Variants in MAGI2 observed in about 807,000 individuals in gnomAD.
MAGI2 encodes the protein membrane-associated guanylate kinase, WW and PDZ domain-containing protein 2.
A neutral mutation model predicts 133.3 loss-of-function variants in MAGI2; 35 were observed. That is an observed-to-expected ratio of 0.26 (90% CI 0.20 to 0.35). The LOEUF (loss-of-function observed/expected upper bound fraction) is 0.35. Ranked by LOEUF, MAGI2 falls within the 10% of genes least tolerant of loss-of-function variation. The pLI, the probability that MAGI2 is intolerant of heterozygous loss-of-function variation, is 1.00. For synonymous variants in MAGI2, 729 were observed against 710.6 expected (o/e 1.03, Z -0.41); for missense variants, 1,636 against 1,863.4 (o/e 0.88, Z 2.25).
chr7:78,652,140 G>C (rs543748765), intron 2 of MAGI2, among the ~76,000 whole-genome samples: 26 of 152,122 alleles, frequency 1.7e-4, no homozygotes, highest in Non-Finnish European at 2.9e-5. Flanking sequence ...AACGGGGAGA[G>C]AAATAGGCAA....
intron 1 of MAGI2, chr7:79,009,159 T>C (rs1807786998): frequency 6.6e-6 from 1 of 152,152 alleles, no homozygotes; most frequent in Non-Finnish European, 1.5e-5. Flanking sequence ...GTAATGTGGA[T>C]AAATTCACAT....
chr7:78,938,517 T>A (rs772528578), intron 2 of MAGI2, among the ~76,000 whole-genome samples: 4 of 152,074 alleles, frequency 2.6e-5, no homozygotes, highest in Non-Finnish European at 4.4e-5. Flanking sequence ...ACCAGAAAGG[T>A]TATAAGCACA....
intron 3 of MAGI2, among the ~76,000 whole-genome samples, chr7:78,592,590 A>G (rs1478222345): frequency 2.0e-5 from 3 of 152,242 alleles, no homozygotes; most frequent in African/African-American, 7.2e-5. Context: ...GAGTGACGGT[A>G]GAAAAAATCA....
At position 78,019,817 on chromosome 7, in the gene MAGI2, T is replaced by G. The variant is rs778807242; in HGVS notation, c.3866A>C (p.Lys1289Thr). Reference protein sequence around the residue: ...QISPGPTWDIKREHDVRKPKE... With the variant: ...QISPGPTWDITREHDVRKPKE... Reference sequence around the variant, plus strand: ...TGGTTTCCTAACGTCGTGTTCCCGTTTGATATCCCAAGTTGGGCCTGGGCT... The same window carrying G: ...TGGTTTCCTAACGTCGTGTTCCCGTGTGATATCCCAAGTTGGGCCTGGGCT... The change falls in exon 22 of 22, where the codon AAA (lysine) becomes ACA (threonine). Residue 1289 changes from lysine (K) to threonine (T), a missense_variant. Transcript: ENST00000354212. The G allele has an allele frequency of 4.0e-5, 64 of 1,613,404 alleles. No individual in the cohort carries two copies. Among genetic ancestry groups the G allele is most frequent in the Non-Finnish European group, 5.3e-5 (63 of 1,179,928 alleles).
intron 15 of MAGI2, among the ~76,000 whole-genome samples, chr7:78,166,819 T>C (rs548385473): frequency 1.8e-4 from 28 of 152,132 alleles, no homozygotes; most frequent in African/African-American, 6.0e-4. Flanking sequence ...TCTAATTCTC[T>C]AGGGGAGAGG....
At chr7:78,570,946 A>G (rs1042203452) in intron 3 of MAGI2, among the ~76,000 whole-genome samples, 1 of 152,098 alleles carries the variant, frequency 6.6e-6, no homozygotes, top group African/African-American at 2.4e-5. Context: ...CTTCTTTTTA[A>G]GTGAGTATTC....
rs867581822 is a variant in MAGI2, at chr7:78,307,154, T to C, written c.1408+36624A>G. ...CATAAATTCGTCTTTGTCAGTTCTA[T>C]AATTTTAGACGACTTCATGCCCAAA... On this transcript the variant is annotated intron_variant, in intron 9 of 21. Transcript: ENST00000354212. Among the ~76,000 whole-genome samples, 14 of 152,338 alleles carry C rather than the reference T, an allele frequency of 9.2e-5. No individual in the cohort carries two copies. In the South Asian group the frequency reaches 2.5e-3, roughly 27 times the overall value.
At chr7:78,593,584 A>C (rs968312062) in intron 3 of MAGI2, among the ~76,000 whole-genome samples, 1 of 152,156 alleles carries the variant, frequency 6.6e-6, no homozygotes, top group Non-Finnish European at 1.5e-5. Context: ...CCAAGAAGGA[A>C]GCATCCACAC....
rs1476783440 is a variant in MAGI2, at chr7:78,822,781, T to C, written c.418+184309A>G. Among the ~76,000 whole-genome samples, 3 of 152,298 alleles carry C rather than the reference T, an allele frequency of 2.0e-5. No homozygotes were observed. The East Asian group carries it at 5.8e-4, about 29-fold the overall frequency. On this transcript the variant is annotated intron_variant, in intron 2 of 21. Transcript: ENST00000354212. ...AAAGCTATTAAAATCAGAGATCTTATGTGGAGGAATGCAAATGCTAAGTTT... is the reference window on the plus strand; with the variant it reads ...AAAGCTATTAAAATCAGAGATCTTACGTGGAGGAATGCAAATGCTAAGTTT...
At chr7:78,407,072 C>T (rs546527153) in intron 6 of MAGI2, among the ~76,000 whole-genome samples, 1 of 152,134 alleles carries the variant, frequency 6.6e-6, no homozygotes, top group Non-Finnish European at 1.5e-5. Flanking sequence ...ATTGATTTTA[C>T]AAACACACTT....
rs1330432964 is a variant in MAGI2 at position 79,119,682 on chromosome 7, C to T, written c.302-112476G>A. On this transcript the variant is annotated intron_variant, in intron 1 of 21. Coordinates refer to ENST00000354212, the MANE Select transcript of MAGI2 (RefSeq NM_012301.4). ...GAGGAGAAGAGCAGGACCTTCAATC[C>T]CAACGCTCATCCCTCCCTCTCATTC... Among the ~76,000 whole-genome samples, 3 of 151,902 alleles carry T rather than the reference C, an allele frequency of 2.0e-5. No individual in the cohort carries two copies. In the East Asian group the frequency reaches 5.8e-4, roughly 29 times the overall value.
intron 1 of MAGI2, chr7:79,030,131 A>G (rs10224972): frequency 0.28 from 42,681 of 152,018 alleles, 6,133 homozygotes; most frequent in Middle Eastern, 0.36. Flanking sequence ...CTTATATGCA[A>G]AAGGCTGAGT....
intron 1 of MAGI2, among the ~76,000 whole-genome samples, chr7:79,123,593 C>T (rs528579045): frequency 6.6e-6 from 1 of 152,026 alleles, no homozygotes; most frequent in Non-Finnish European, 1.5e-5. Flanking sequence ...TGAGACCAGC[C>T]TGACCAACAT....
intron 3 of MAGI2, among the ~76,000 whole-genome samples, chr7:78,597,700 G>C (rs776603340): frequency 6.6e-6 from 1 of 152,140 alleles, no homozygotes; most frequent in Non-Finnish European, 1.5e-5. Context: ...CTGGGAAATG[G>C]TCTCTTAATA....
intron 9 of MAGI2, among the ~76,000 whole-genome samples, chr7:78,338,542 T>C (rs1790014651): frequency 1.3e-5 from 2 of 152,210 alleles, no homozygotes; most frequent in Non-Finnish European, 2.9e-5. Flanking sequence ...GAAACATTTG[T>C]CTCATTTTTG....
chr7:79,039,117 T>C (rs1811379971), intron 1 of MAGI2, among the ~76,000 whole-genome samples: 1 of 152,044 alleles, frequency 6.6e-6, no homozygotes, highest in Non-Finnish European at 1.5e-5. Flanking sequence ...ATGGGGCTGG[T>C]TCCCCCTGCT....
rs1446529809 is a variant in MAGI2, at chr7:78,019,587, TCCCGCCCGCCCGCGC to T, written c.4081_4095del (p.Ala1361_Gly1365del). The stretch of plus-strand genomic sequence containing the variant: ...CCCGCCGCCGCACGGGGCGCCTCCT[TCCCGCCCGCCCGCGC>T]CGCGTCCGCCGCGTCTGCCGCCGCG... On this transcript the variant is annotated inframe_deletion, in exon 22 of 22. Transcript: ENST00000354212. 8 of 979,656 alleles carry T rather than the reference TCCCGCCCGCCCGCGC, an allele frequency of 8.2e-6. No homozygotes were observed. The highest frequency in any genetic ancestry group is 9.7e-6 in the Non-Finnish European group (8 of 828,126). 60.7% of individuals were successfully genotyped at this position (979,656 alleles called of 1,614,324 possible).
intron 3 of MAGI2, among the ~76,000 whole-genome samples, chr7:78,529,770 G>A (rs1252107142): frequency 1.5e-5 from 2 of 132,424 alleles, no homozygotes; most frequent in African/African-American, 5.6e-5. Flanking sequence ...TCCTACCTTG[G>A]TCTCCCAAAG....
chr7:78,935,990 T>C (rs1404827219), intron 2 of MAGI2, among the ~76,000 whole-genome samples: 3 of 152,140 alleles, frequency 2.0e-5, no homozygotes, highest in Non-Finnish European at 4.4e-5. Context: ...TTTTTTAATA[T>C]ACTGATTCCC....
Sources: allele counts gnomAD v4.1 joint callset (sites outside exome capture counted in the v4.1 genomes callset), GRCh38; gene constraint gnomAD v4.1.1; transcripts MANE v1.5; gene names NCBI Gene and HGNC (gene_info 2026-07-23, HGNC 2026-07-21).